BLVRB: variants seen among roughly 807,000 people sequenced by gnomAD.
BLVRB encodes the protein flavin reductase (NADPH).
In BLVRB, 25 loss-of-function variants were observed where a neutral mutation model predicts 21.1. The observed-to-expected ratio is 1.19, with a 90% CI of 0.86 to 1.66. The LOEUF is 1.66. Among genes scored for constraint, BLVRB ranks in the 40% most tolerant of loss-of-function variants. The probability of loss-of-function intolerance (pLI) is 0.00; values close to 1 mark genes in which losing one functional copy is unlikely to be tolerated. For synonymous variants in BLVRB, 128 were observed against 122.2 expected (o/e 1.05, Z -0.31); for missense variants, 274 against 282.7 (o/e 0.97, Z 0.22).
intron 1 of BLVRB, among the ~76,000 whole-genome samples, chr19:40,461,727 C>T (rs2079788632): frequency 6.6e-6 from 1 of 152,092 alleles, no homozygotes; most frequent in East Asian, 1.9e-4. Flanking sequence ...GTCTCGAACT[C>T]CTGACTGTGT....
chr19:40,458,402 G>T lies in BLVRB; in HGVS notation c.223C>A (p.Leu75Met). ...VAGQDAVIVL[L>M]GTRNDLSPTT... Reference sequence around the variant, plus strand: ...GTACTGAGGTCATTGCGGGTGCCCAGCAGCACGATGACAGCGTCCTGCCCA... The same window carrying T: ...GTACTGAGGTCATTGCGGGTGCCCATCAGCACGATGACAGCGTCCTGCCCA... Residue 75 changes from leucine to methionine, a missense_variant, in exon 2 of 5, where the codon CTG (leucine) becomes ATG (methionine). Physicochemically the swap from Leu to Met is conservative, Grantham distance 15. Transcript: ENST00000263368. 6.3e-7 allele frequency: 1 copy of T among 1,590,306 alleles called. No homozygotes were observed. The highest frequency in any genetic ancestry group is 1.8e-5 in the Admixed American group (1 of 56,722).
At chr19:40,449,698 C>T (rs12460618) in intron 4 of BLVRB, among the ~76,000 whole-genome samples, 2,245 of 152,264 alleles carry the variant, frequency 0.015, 124 homozygotes, top group Admixed American at 0.11. Flanking sequence ...GACAATGTTG[C>T]AATTCCTCTC....
At chr19:40,458,001 T>C in intron 3 of BLVRB, 154 bp downstream of exon 3, 1 of 739,856 alleles carries the variant, frequency 1.4e-6, no homozygotes. Flanking sequence ...CACCACTGTG[T>C]CCCCAGCATC....
At chr19:40,450,364 GGTGTGGTGGCGGGCGC>G (rs1471959944) in intron 4 of BLVRB, 1 of 147,164 alleles carries the variant, frequency 6.8e-6, no homozygotes, top group Non-Finnish European at 1.5e-5. Flanking sequence ...AAATTAGCCA[GGTGTGGTGGCGGGCGC>G]CTGTAGTCCC....
At chr19:40,451,236 T>C in intron 4 of BLVRB, 128 bp downstream of exon 4, 1 of 1,379,426 alleles carries the variant, frequency 7.2e-7, no homozygotes, top group Non-Finnish European at 9.8e-7. Context: ...AGGCCAAATA[T>C]ATATGTCACA....
In BLVRB at chr19:40,448,021, G is replaced by A; in HGVS notation, c.489C>T (p.Tyr163=). The change falls in exon 5 of 5, where the codon TAC becomes TAT. Residue 163 remains tyrosine, a synonymous_variant. Coordinates refer to ENST00000263368, the MANE Select transcript of BLVRB (RefSeq NM_000713.3). ...HIGDQPLTGA[Y]TVTLDGRGPS... is the part of the protein sequence containing the mutation. ...GCCCTCGTCCATCCAGGGTCACTGT[G>A]TACGCCCCAGTTAGTGGCTGGTCTC... 2 of 1,613,628 alleles carry A rather than the reference G, an allele frequency of 1.2e-6. No individual in the cohort carries two copies. Among genetic ancestry groups the A allele is most frequent in the African/African-American group, 1.3e-5 (1 of 74,998 alleles).
chr19:40,448,087 C>A, intron 4 of BLVRB, 41 bp from the exon 5 acceptor site: 1 of 1,580,038 alleles, frequency 6.3e-7, no homozygotes, highest in South Asian at 1.1e-5. Flanking sequence ...AAGCAGACAC[C>A]TTTCCCTTCC....
chr19:40,457,861 A>G (rs1174605799), intron 3 of BLVRB: 4 of 411,234 alleles, frequency 9.7e-6, no homozygotes, highest in African/African-American at 7.2e-5. Context: ...AGTTTCTCCC[A>G]TTGTGGCCCT....
intron 3 of BLVRB, among the ~76,000 whole-genome samples, chr19:40,453,593 A>G (rs28621979): frequency 0.14 from 21,753 of 152,208 alleles, 1,615 homozygotes; most frequent in African/African-American, 0.16. Context: ...TATTTTTAGG[A>G]GCAGTTTGGT....
In BLVRB at chr19:40,461,592, T is replaced by C. The variant is rs527947329; in HGVS notation, c.80-3047A>G. ...TCGGCTCACTGCAACCTCCGTCTCA[T>C]GGGTTCAAGCGATTCTCCTGCCTCA... On this transcript the variant is annotated intron_variant, in intron 1 of 4. Transcript: ENST00000263368. Among the ~76,000 whole-genome samples the C allele has an allele frequency of 2.6e-5, 4 of 151,758 alleles. 1 individual carries two copies. In the South Asian group the frequency reaches 6.2e-4, roughly 24 times the overall value.
rs769570603 is a variant in BLVRB at position 40,465,730 on chromosome 19, C to A, written c.-42G>T. On this transcript the variant is annotated 5_prime_UTR_variant, in exon 1 of 5. Coordinates refer to ENST00000263368, the MANE Select transcript of BLVRB (RefSeq NM_000713.3). ...GGTGCAAGGCCTCAGAGTCTCGGCACGCGCGGGAACCCACTGGCTGCTGGG... is the reference window on the plus strand; with the variant it reads ...GGTGCAAGGCCTCAGAGTCTCGGCAAGCGCGGGAACCCACTGGCTGCTGGG... 2 of 1,598,110 alleles carry A rather than the reference C, an allele frequency of 1.3e-6. No homozygotes were observed. Among genetic ancestry groups the A allele is most frequent in the African/African-American group, 2.7e-5 (2 of 74,614 alleles).
At chr19:40,462,435 C>A (rs1378941905) in intron 1 of BLVRB, among the ~76,000 whole-genome samples, 3 of 151,600 alleles carry the variant, frequency 2.0e-5, no homozygotes, top group Non-Finnish European at 4.4e-5. Flanking sequence ...TGCACCACAA[C>A]ACCCGGCGAA....
intron 1 of BLVRB, among the ~76,000 whole-genome samples, chr19:40,460,885 T>C (rs1274308285): frequency 2.0e-5 from 3 of 152,060 alleles, no homozygotes; most frequent in African/African-American, 4.8e-5. Context: ...GGCAGAAGAA[T>C]CGCTTGAACC....
At chr19:40,460,270 A>ATATATATATATATATATATATG (rs1336577975) in intron 1 of BLVRB, among the ~76,000 whole-genome samples, 1 of 126,354 alleles carries the variant, frequency 7.9e-6, no homozygotes, top group African/African-American at 3.2e-5. Flanking sequence ...ATATATATAT[A>ATATATATATATATATATATATG]TATATTTAGA....
chr19:40,464,065 C>G (rs577056653), intron 1 of BLVRB, among the ~76,000 whole-genome samples: 2 of 151,810 alleles, frequency 1.3e-5, no homozygotes, highest in South Asian at 2.1e-4. Context: ...CCGCACCCAG[C>G]CTCTTTTTCT....
chr19:40,452,777 A>C (rs1433344200), intron 3 of BLVRB, among the ~76,000 whole-genome samples: 3 of 152,106 alleles, frequency 2.0e-5, no homozygotes, highest in Non-Finnish European at 2.9e-5. Flanking sequence ...AAGCTGGAGA[A>C]TTGCTGGAAC....
In BLVRB at chr19:40,461,028, C is replaced by A. The variant is rs1004921782; in HGVS notation, c.80-2483G>T. ...CAACAACAACAATAAACATAAAAAA[C>A]CAAAAAACCCAAAAAGACACAATAA... On this transcript the variant is annotated intron_variant, in intron 1 of 4. Transcript: ENST00000263368. Among the ~76,000 whole-genome samples, 77 of 151,964 alleles carry A rather than the reference C, an allele frequency of 5.1e-4. 1 individual carries two copies. Among genetic ancestry groups the A allele is most frequent in the Admixed American group, 4.7e-3 (71 of 15,230 alleles).
At chr19:40,454,120 C>T (rs2079752253) in intron 3 of BLVRB, among the ~76,000 whole-genome samples, 1 of 152,164 alleles carries the variant, frequency 6.6e-6, no homozygotes, top group Admixed American at 6.6e-5. Flanking sequence ...CATGGTGGCA[C>T]ATGCCTGTGG....
Position 40,447,854 on chromosome 19 carries a change from C to G in BLVRB, c.*35G>C. 2 of 1,594,914 alleles carry G rather than the reference C, an allele frequency of 1.3e-6. No individual in the cohort carries two copies. Among genetic ancestry groups the G allele is most frequent in the South Asian group, 2.2e-5 (2 of 90,296 alleles). ...TGCCCCCTTCCTTTGCTCCTCATGT[C>G]CCAGAATGCCACCCTCCCAGATGGG... On this transcript the variant is annotated 3_prime_UTR_variant, in exon 5 of 5. Transcript: ENST00000263368.
Sources: allele counts gnomAD v4.1 joint callset (sites outside exome capture counted in the v4.1 genomes callset), GRCh38; gene constraint gnomAD v4.1.1; transcripts MANE v1.5; gene names NCBI Gene and HGNC (gene_info 2026-07-23, HGNC 2026-07-21).